XPO1: variants seen among roughly 807,000 people sequenced by gnomAD.
XPO1 encodes exportin-1.
In XPO1, 5 loss-of-function variants were observed where a neutral mutation model predicts 133.3. The observed-to-expected ratio is 0.04, with a 90% CI of 0.02 to 0.08. The LOEUF (loss-of-function observed/expected upper bound fraction) is 0.08. Among genes scored for constraint, XPO1 ranks in the 10% least tolerant of loss-of-function variants. XPO1 has a pLI of 1.00. For missense variants in XPO1, 506 were observed against 1,267.5 expected, an observed-to-expected ratio of 0.40 and a Z score of 9.12; for synonymous variants, 419 against 408.2, an observed-to-expected ratio of 1.03 and a Z score of -0.32.
chr2:61,488,420 A>G (rs1696799215), intron 18 of XPO1, 149 bp from the exon 19 acceptor site: 1 of 1,190,068 alleles, frequency 8.4e-7, no homozygotes, highest in Admixed American at 2.3e-5. Context: ...CTTTAAGACT[A>G]ATTTTAAAAG....
At chr2:61,520,067 T>C (rs893520237) in intron 4 of XPO1, among the ~76,000 whole-genome samples, 1 of 152,120 alleles carries the variant, frequency 6.6e-6, no homozygotes, top group Non-Finnish European at 1.5e-5. Context: ...AACCTTAATA[T>C]TTAGTAGTAA....
At position 61,511,103 on chromosome 2, in the gene XPO1, A is replaced by T. The variant is rs1222212620; in HGVS notation, c.302-8793T>A. ...AATACTATTCCTATCAATCATATAC[A>T]ATGTGCCTGAAAATACTGCTTTCTT... On this transcript the variant is annotated intron_variant, in intron 4 of 24. Coordinates refer to ENST00000401558, the MANE Select transcript of XPO1 (RefSeq NM_003400.4). Among the ~76,000 whole-genome samples the T allele has an allele frequency of 2.6e-5, 4 of 152,178 alleles. No individual in the cohort carries two copies. In the East Asian group the frequency reaches 7.7e-4, roughly 29 times the overall value.
intron 5 of XPO1, 36 bp from the exon 6 acceptor site, chr2:61,502,076 G>T: frequency 6.4e-7 from 1 of 1,571,584 alleles, no homozygotes. Context: ...AGAGCCTGAG[G>T]TAAGTATAAA....
At chr2:61,482,779 G>T (rs1384632380) in intron 22 of XPO1, 178 bp downstream of exon 22, 7 of 808,376 alleles carry the variant, frequency 8.7e-6, no homozygotes, top group Admixed American at 6.4e-5. Context: ...TATTTTTATT[G>T]TATCTTTTAT....
In XPO1 at chr2:61,494,310, A is replaced by G. The variant is rs181563015; in HGVS notation, c.1048-219T>C. 55 of 450,082 alleles carry G rather than the reference A, an allele frequency of 1.2e-4. No homozygotes were observed. The East Asian group carries it at 2.0e-3, about 16-fold the overall frequency. 27.9% of individuals were successfully genotyped at this position (450,082 alleles called of 1,614,324 possible). On this transcript the variant is annotated intron_variant, in intron 11 of 24. Coordinates refer to ENST00000401558, the MANE Select transcript of XPO1 (RefSeq NM_003400.4). Reference sequence around the variant, plus strand: ...AAATCTCTCACATAGTAGTTGATCAATATGTATTTTTATCATGTCTCCTAA... The same window carrying G: ...AAATCTCTCACATAGTAGTTGATCAGTATGTATTTTTATCATGTCTCCTAA...
chr2:61,482,271 TG>T (rs1696423801), intron 23 of XPO1, 108 bp downstream of exon 23: 1 of 1,079,482 alleles, frequency 9.3e-7, no homozygotes. Context: ...CTCCAACTTT[TG>T]GGCCCAAGCA....
chr2:61,478,823 A>G lies in XPO1; in HGVS notation c.3213T>C (p.Asp1071=). The G allele has an allele frequency of 6.2e-7, 1 of 1,613,240 alleles. No individual in the cohort carries two copies. ...AAAAACAGCATGAATTTGGATTTTA[A>G]TCACACATTTCTTCTGGAATCTCAT... is the stretch of plus-strand genomic sequence containing the variant. ...NPHEIPEEMC[D] is the part of the protein sequence containing the mutation. The change falls in exon 25 of 25, where the codon GAT becomes GAC. Residue 1071 remains aspartate (D), a synonymous_variant. Coordinates refer to ENST00000401558, the MANE Select transcript of XPO1 (RefSeq NM_003400.4).
intron 4 of XPO1, among the ~76,000 whole-genome samples, chr2:61,505,716 A>C (rs1244428811): frequency 1.3e-5 from 2 of 151,724 alleles, no homozygotes; most frequent in Non-Finnish European, 2.9e-5. Flanking sequence ...GAGCCACCGC[A>C]CCTGGCTTTT....
rs1215147755 is a variant in XPO1 at position 61,499,760 on chromosome 2, G to A, written c.543C>T (p.Phe181=). Residue 181 remains phenylalanine, a synonymous_variant, in exon 7 of 25, where the codon TTC becomes TTT. Transcript: ENST00000401558. ...LKLLSEEVFD[F]SSGQITQVKS... is the part of the protein sequence containing the mutation. The stretch of plus-strand genomic sequence containing the variant: ...TGACTTGGGTTATCTGTCCACTAGA[G>A]AAATCAAATACTTCTTCACTCAAGA... 1.2e-6 allele frequency: 2 copies of A among 1,609,910 alleles called. No homozygotes were observed. The highest frequency in any genetic ancestry group is 1.3e-5 in the African/African-American group (1 of 74,740).
chr2:61,534,241 C>T (rs1699273029), intron 1 of XPO1: 1 of 168,960 alleles, frequency 5.9e-6, no homozygotes, highest in East Asian at 1.6e-4. Context: ...AAACGTGATA[C>T]AGTTCAGTAT....
intron 1 of XPO1, chr2:61,536,509 A>G (rs1400240676): frequency 6.6e-6 from 1 of 152,306 alleles, no homozygotes; most frequent in Non-Finnish European, 1.5e-5. Context: ...AAAACCCAGA[A>G]AATCATAACC....
intron 4 of XPO1, among the ~76,000 whole-genome samples, chr2:61,519,336 A>G (rs1046691547): frequency 6.6e-6 from 1 of 152,066 alleles, no homozygotes; most frequent in Non-Finnish European, 1.5e-5. Context: ...CATCTAACCC[A>G]CTCAAGAATC....
At chr2:61,480,472 G>T (rs2104231970) in intron 24 of XPO1, 1 of 151,210 alleles carries the variant, frequency 6.6e-6, no homozygotes, top group South Asian at 2.1e-4. Flanking sequence ...TAGAGACGGG[G>T]GTTTCACCAT....
chr2:61,488,834 G>A, intron 17 of XPO1, 63 bp from the exon 18 acceptor site: 2 of 1,559,836 alleles, frequency 1.3e-6, no homozygotes, highest in Non-Finnish European at 1.7e-6. Context: ...GGGAACAGTG[G>A]CTCACGCCTG....
At position 61,485,946 on chromosome 2, in the gene XPO1, A is replaced by G; in HGVS notation, c.2330T>C (p.Val777Ala). The part of the protein sequence containing the change: ...NDPQMVAENF[V>A]PPLLDAVLID... ...GAGAACTGCATCCAACAGAGGGGGA[A>G]CAAAATTTTCAGCGACCTGTTGGGG... Residue 777 changes from valine to alanine, a missense_variant, in exon 20 of 25, where the codon GTT becomes GCT. This residue lies in a region of XPO1 where 203 missense variants were observed against 365.9 expected (regional missense o/e 0.55). Transcript: ENST00000401558. The G allele has an allele frequency of 1.2e-6, 2 of 1,608,012 alleles. No homozygotes were observed. The highest frequency in any genetic ancestry group is 2.2e-5 in the South Asian group (2 of 89,362).
At chr2:61,510,937 C>CAAAAA (rs1163597698) in intron 4 of XPO1, among the ~76,000 whole-genome samples, 15 of 61,238 alleles carry the variant, frequency 2.4e-4, no homozygotes, top group African/African-American at 6.6e-4. Flanking sequence ...GACCTTATCT[C>CAAAAA]AAAAAAAAAA....
intron 21 of XPO1, 85 bp downstream of exon 21, chr2:61,483,852 C>CCA (rs746019359): frequency 6.1e-6 from 9 of 1,467,552 alleles, no homozygotes; most frequent in Non-Finnish European, 8.4e-6. Flanking sequence ...AAACTCTGAA[C>CCA]AAGTAATACC....
At chr2:61,527,535 T>C (rs771103905) in intron 2 of XPO1, among the ~76,000 whole-genome samples, 1 of 152,134 alleles carries the variant, frequency 6.6e-6, no homozygotes, top group Non-Finnish European at 1.5e-5. Context: ...TTATGTAATG[T>C]AGCAGGACAC....
At chr2:61,502,122 C>G (rs563565605) in intron 5 of XPO1, 82 bp from the exon 6 acceptor site, 2 of 1,509,416 alleles carry the variant, frequency 1.3e-6, no homozygotes, top group Admixed American at 3.8e-5. Context: ...CAAATGATTA[C>G]AGCTCTACTG....
Sources: allele counts gnomAD v4.1 joint callset (sites outside exome capture counted in the v4.1 genomes callset), GRCh38; gene constraint gnomAD v4.1.1; regional missense constraint gnomAD v4.1.1; transcripts MANE v1.5; gene names NCBI Gene and HGNC (gene_info 2026-07-23, HGNC 2026-07-21).